Variants in FAM168A observed in about 807,000 individuals in gnomAD.
The protein encoded by FAM168A is family with sequence similarity 168 member A, also known as protein FAM168A.
Under a neutral mutation model 28.5 loss-of-function variants are expected in FAM168A, and 3 were observed. The ratio of observed to expected loss-of-function variants is 0.11; its 90% confidence interval spans 0.05 to 0.27. FAM168A has a LOEUF of 0.27. FAM168A is among the 10% of genes least tolerant of loss of function. FAM168A has a pLI of 1.00. For missense variants in FAM168A, 222 were observed against 311.5 expected, an observed-to-expected ratio of 0.71 and a Z score of 2.16; for synonymous variants, 122 against 124.2, an observed-to-expected ratio of 0.98 and a Z score of 0.12.
chr11:73,539,620 CT>C (rs1943628875), intron 1 of FAM168A, among the ~76,000 whole-genome samples: 1 of 152,198 alleles, frequency 6.6e-6, no homozygotes, highest in Non-Finnish European at 1.5e-5. Flanking sequence ...TAGCTACACT[CT>C]CAGGACTAAG....
intron 1 of FAM168A, among the ~76,000 whole-genome samples, chr11:73,581,018 C>G (rs1944237599): frequency 6.6e-6 from 1 of 152,214 alleles, no homozygotes; most frequent in African/African-American, 2.4e-5. Context: ...GGTTCCGTTT[C>G]TAGATTGTGG....
chr11:73,484,144 T>A (rs1356002937), intron 1 of FAM168A, among the ~76,000 whole-genome samples: 1 of 152,216 alleles, frequency 6.6e-6, no homozygotes, highest in African/African-American at 2.4e-5. Context: ...ACTTCCAGCA[T>A]CAGCGCTGAG....
chr11:73,459,095 G>A (rs918944296), intron 2 of FAM168A, among the ~76,000 whole-genome samples: 10 of 151,084 alleles, frequency 6.6e-5, no homozygotes, highest in Non-Finnish European at 1.5e-4. Flanking sequence ...GTTTTGTTTT[G>A]TTTTTATAGA....
chr11:73,457,723 C>CAAAAAAAAAAAAAAAAAA (rs58142151), intron 2 of FAM168A, among the ~76,000 whole-genome samples: 40 of 37,540 alleles, frequency 1.1e-3, no homozygotes, highest in Non-Finnish European at 2.2e-3. Flanking sequence ...GCCTGGGTGA[C>CAAAAAAAAAAAAAAAAAA]AAAAAAAAAA....
chr11:73,590,357 T>C (rs1944366550), intron 1 of FAM168A, among the ~76,000 whole-genome samples: 1 of 152,230 alleles, frequency 6.6e-6, no homozygotes, highest in African/African-American at 2.4e-5. Flanking sequence ...GAGCCATGAC[T>C]GTGCCACTGC....
At chr11:73,569,551 T>C (rs1407038872) in intron 1 of FAM168A, among the ~76,000 whole-genome samples, 2 of 152,318 alleles carry the variant, frequency 1.3e-5, no homozygotes, top group East Asian at 3.9e-4. Flanking sequence ...TGGCTGGGCA[T>C]GGTGGCTCAT....
At chr11:73,419,800 C>T in intron 4 of FAM168A, 74 bp downstream of exon 4, 1 of 1,558,558 alleles carries the variant, frequency 6.4e-7, no homozygotes, top group Non-Finnish European at 8.7e-7. Context: ...TTAAAAAGCT[C>T]CCTTTCCTTT....
chr11:73,437,104 T>C, intron 2 of FAM168A, among the ~76,000 whole-genome samples: 1 of 135,014 alleles, frequency 7.4e-6, no homozygotes, highest in South Asian at 2.2e-4. Flanking sequence ...CAGCATACTT[T>C]TTTTTTTTTT....
At chr11:73,521,161 T>C (rs1443419713) in intron 1 of FAM168A, among the ~76,000 whole-genome samples, 1 of 152,356 alleles carries the variant, frequency 6.6e-6, no homozygotes, top group South Asian at 2.1e-4. Flanking sequence ...TAGGTTGTTC[T>C]GCATGTGCGA....
At chr11:73,548,065 T>C (rs984456525) in intron 1 of FAM168A, among the ~76,000 whole-genome samples, 2 of 152,156 alleles carry the variant, frequency 1.3e-5, no homozygotes, top group Admixed American at 6.6e-5. Context: ...AAAATTGTGG[T>C]TGTCAGGAAC....
rs1866438441 is a variant in FAM168A at position 73,402,910 on chromosome 11, C to T, written c.*3853G>A. The T allele has an allele frequency of 6.6e-6, 1 of 152,212 alleles. No individual in the cohort carries two copies. Among genetic ancestry groups the T allele is most frequent in the Non-Finnish European group, 1.5e-5 (1 of 68,064 alleles). The allele number at this position is 152,212 out of a possible 1,614,324, so 9.4% of individuals were successfully genotyped here. On this transcript the variant is annotated 3_prime_UTR_variant, in exon 8 of 8. Transcript: ENST00000356467. ...AAATCTGCTCAGCTCAGAGACTGGG[C>T]TTCCCAGCTCTATAAAGTACAGTTA...
chr11:73,592,764 C>T (rs1399929830), intron 1 of FAM168A, among the ~76,000 whole-genome samples: 1 of 151,880 alleles, frequency 6.6e-6, no homozygotes, highest in Non-Finnish European at 1.5e-5. Flanking sequence ...CTACAAAAAG[C>T]ATTTGCCAGC....
chr11:73,588,402 T>A (rs1342497253), intron 1 of FAM168A, among the ~76,000 whole-genome samples: 2 of 152,170 alleles, frequency 1.3e-5, no homozygotes, highest in African/African-American at 4.8e-5. Context: ...TCAGAAGATC[T>A]GCACATGGCC....
chr11:73,562,184 G>T (rs1198604403), intron 1 of FAM168A, among the ~76,000 whole-genome samples: 1 of 152,162 alleles, frequency 6.6e-6, no homozygotes, highest in East Asian at 1.9e-4. Flanking sequence ...TTCGTGATCC[G>T]CCTGCCCTGG....
At chr11:73,494,135 T>TGTACATTATGTACAGTATGG (rs1854816253) in intron 1 of FAM168A, among the ~76,000 whole-genome samples, 1 of 152,116 alleles carries the variant, frequency 6.6e-6, no homozygotes, top group Admixed American at 6.5e-5. Context: ...GTACAGTATG[T>TGTACATTATGTACAGTATGG]ACATATACAT....
chr11:73,421,504 C>T (rs771811069), intron 3 of FAM168A, among the ~76,000 whole-genome samples: 1 of 152,200 alleles, frequency 6.6e-6, no homozygotes, highest in Non-Finnish European at 1.5e-5. Context: ...GGAGACCCAG[C>T]AGTACTCCAT....
chr11:73,409,414 A>C (rs1590752091), intron 6 of FAM168A, 73 bp downstream of exon 6: 1 of 1,584,196 alleles, frequency 6.3e-7, no homozygotes, highest in East Asian at 2.3e-5. Context: ...AGCCAATTCT[A>C]TGACTGTGTT....
rs529123722 is a variant in FAM168A at position 73,576,090 on chromosome 11, T to C, written c.-19+21833A>G. On this transcript the variant is annotated intron_variant, in intron 1 of 7. Transcript: ENST00000356467. ...TTTCAATTTTCATCAAATATTTTGGTATTAGATAATTTTTTAAATCCCAGA... is the reference window on the plus strand; with the variant it reads ...TTTCAATTTTCATCAAATATTTTGGCATTAGATAATTTTTTAAATCCCAGA... 2.6e-5 allele frequency among the ~76,000 whole-genome samples: 4 copies of C among 152,344 alleles called. No homozygotes were observed. In the East Asian group the frequency reaches 7.7e-4, roughly 29 times the overall value.
intron 1 of FAM168A, among the ~76,000 whole-genome samples, chr11:73,552,680 G>A (rs999610420): frequency 2.0e-5 from 3 of 152,188 alleles, no homozygotes; most frequent in Non-Finnish European, 4.4e-5. Flanking sequence ...GATGAGGCCA[G>A]GCGTGGTGGC....
Sources: allele counts gnomAD v4.1 joint callset (sites outside exome capture counted in the v4.1 genomes callset), GRCh38; gene constraint gnomAD v4.1.1; transcripts MANE v1.5; gene names NCBI Gene and HGNC (gene_info 2026-07-23, HGNC 2026-07-21).